Variants in BCAS3 observed in about 807,000 individuals in gnomAD.
BCAS3 encodes the protein BCAS4/BCAS3 fusion.
A neutral mutation model predicts 116.1 loss-of-function variants in BCAS3; 53 were observed. The ratio of observed to expected loss-of-function variants is 0.46; its 90% CI spans 0.37 to 0.57. The LOEUF is 0.57. Among genes scored for constraint, BCAS3 ranks in the 20% least tolerant of loss-of-function variants. The pLI is 0.00. For synonymous variants in BCAS3, 391 were observed against 408.2 expected, an observed-to-expected ratio of 0.96 and a Z score of 0.51; for missense variants, 917 against 1,165.4, an observed-to-expected ratio of 0.79 and a Z score of 3.10.
rs569496156 is a variant in BCAS3 at position 61,032,365 on chromosome 17, C to G, written c.1638-2301C>G. ...AAGCACATAGTCGCACAATTGCAAA[C>G]TGCTTTCAAAAAATTCTACAATACT... On this transcript the variant is annotated intron_variant, in intron 16 of 23. Coordinates refer to ENST00000407086, the MANE Select transcript of BCAS3 (RefSeq NM_017679.5). This position sits in a 1 kb window ranked among gnomAD's most constrained non-coding sequence, Gnocchi z 4.6. Among the ~76,000 whole-genome samples the G allele has an allele frequency of 1.3e-5, 2 of 152,128 alleles. No individual in the cohort carries two copies. Among genetic ancestry groups the G allele is most frequent in the African/African-American group, 4.8e-5 (2 of 41,444 alleles).
Position 61,073,839 on chromosome 17 carries a change from G to A in BCAS3, c.2030-1081G>A, listed in dbSNP as rs984562785. 2.6e-5 allele frequency among the ~76,000 whole-genome samples: 4 copies of A among 152,058 alleles called. No individual in the cohort carries two copies. The highest frequency in any genetic ancestry group is 6.6e-5 in the Admixed American group (1 of 15,256). ...GTATTAAAATGGTAGGCCAGGCGTG[G>A]TGGTTCATGCCTGTAATCCCAGCAC... On this transcript the variant is annotated intron_variant, in intron 19 of 23. Transcript: ENST00000407086. This position sits in a 1 kb window ranked among gnomAD's most constrained non-coding sequence, Gnocchi z 4.6.
intron 22 of BCAS3, among the ~76,000 whole-genome samples, chr17:61,290,941 C>T (rs1386946976): frequency 2.6e-5 from 4 of 152,160 alleles, no homozygotes; most frequent in African/African-American, 9.6e-5. Flanking sequence ...CCACCACGCC[C>T]GGCTAATTTT....
At chr17:61,314,562 C>T (rs1332141124) in intron 22 of BCAS3, among the ~76,000 whole-genome samples, 2 of 152,224 alleles carry the variant, frequency 1.3e-5, no homozygotes, top group Non-Finnish European at 2.9e-5. Context: ...TTCCCCTCCA[C>T]CGCTGCCTGG....
chr17:60,772,328 G>T (rs1432817040), intron 6 of BCAS3, among the ~76,000 whole-genome samples: 1 of 151,810 alleles, frequency 6.6e-6, no homozygotes, highest in East Asian at 1.9e-4. Context: ...ATTTTTTCAC[G>T]TGTCTGTTGG....
At chr17:60,931,763 G>T (rs1478595979) in intron 13 of BCAS3, among the ~76,000 whole-genome samples, 6 of 152,070 alleles carry the variant, frequency 3.9e-5, no homozygotes, top group Non-Finnish European at 7.4e-5. Flanking sequence ...TAAAATGGGG[G>T]CTAGTAATGA....
rs1005923269 is a variant in BCAS3, at chr17:61,063,956, T to C, written c.2030-10964T>C. Among the ~76,000 whole-genome samples, 1 of 152,228 alleles carries C rather than the reference T, an allele frequency of 6.6e-6. No individual in the cohort carries two copies. The highest frequency in any genetic ancestry group is 1.5e-5 in the Non-Finnish European group (1 of 68,042). Reference sequence around the variant, plus strand: ...CTGGGGCATTGTCTCCATAAACTTTTGGTAAAGCATCAATAATTTCACCAT... The same window carrying C: ...CTGGGGCATTGTCTCCATAAACTTTCGGTAAAGCATCAATAATTTCACCAT... On this transcript the variant is annotated intron_variant, in intron 19 of 23. Transcript: ENST00000407086. The surrounding 1 kb of genome is among the most constrained non-coding windows in gnomAD (Gnocchi z 5.3).
chr17:61,154,177 G>A (rs1052698780), intron 22 of BCAS3, among the ~76,000 whole-genome samples: 3 of 152,064 alleles, frequency 2.0e-5, no homozygotes, highest in African/African-American at 7.2e-5. Flanking sequence ...TTGAACCAAT[G>A]TGTCCTTTGA....
At chr17:60,889,869 A>G in intron 10 of BCAS3, 98 bp downstream of exon 10, 1 of 1,123,376 alleles carries the variant, frequency 8.9e-7, no homozygotes, top group South Asian at 1.4e-5. Flanking sequence ...TACCAATAAT[A>G]AATGTTTTAC....
chr17:60,856,227 A>T (rs1446687724), intron 7 of BCAS3, among the ~76,000 whole-genome samples: 2 of 152,162 alleles, frequency 1.3e-5, no homozygotes, highest in African/African-American at 4.8e-5. Flanking sequence ...TATAATGAAG[A>T]CTCAACCTCC....
intron 22 of BCAS3, among the ~76,000 whole-genome samples, chr17:61,298,230 AATTGTAGTTCCCAACAC>A (rs1568786876): frequency 6.6e-6 from 1 of 152,090 alleles, no homozygotes; most frequent in Non-Finnish European, 1.5e-5. Flanking sequence ...CACTTCAGTA[AATTGTAGTTCCCAACAC>A]ACTTTTATGC....
intron 1 of BCAS3, 90 bp from the exon 2 acceptor site, chr17:60,679,363 C>T: frequency 2.3e-6 from 2 of 872,816 alleles, no homozygotes; most frequent in East Asian, 2.6e-5. Flanking sequence ...GACAAGGGAT[C>T]TCTAGTGAGT....
chr17:61,150,380 A>G (rs2143997350), intron 22 of BCAS3, among the ~76,000 whole-genome samples: 1 of 152,230 alleles, frequency 6.6e-6, no homozygotes, highest in East Asian at 1.9e-4. Context: ...TCACTGTGCT[A>G]TTTCTCATCA....
At chr17:60,906,648 C>T (rs1375302813) in intron 11 of BCAS3, among the ~76,000 whole-genome samples, 1 of 152,188 alleles carries the variant, frequency 6.6e-6, no homozygotes, top group African/African-American at 2.4e-5. Flanking sequence ...GACTTTGTAA[C>T]TCAGTACCTT....
Position 60,991,930 on chromosome 17 carries a change from T to C in BCAS3, c.1486+1695T>C, listed in dbSNP as rs566765830. On this transcript the variant is annotated intron_variant, in intron 15 of 23. Coordinates refer to ENST00000407086, the MANE Select transcript of BCAS3 (RefSeq NM_017679.5). Reference sequence around the variant, plus strand: ...ATGTTTTTGAAGTTCATCCACATTGTAGTATATATTAACACTTCACTCCTT... The same window carrying C: ...ATGTTTTTGAAGTTCATCCACATTGCAGTATATATTAACACTTCACTCCTT... 2.3e-4 allele frequency among the ~76,000 whole-genome samples: 35 copies of C among 152,300 alleles called. No homozygotes were observed. The South Asian group carries it at 6.4e-3, about 28-fold the overall frequency.
rs376617640 is a variant in BCAS3 at position 61,109,725 on chromosome 17, AT to A, written c.2425+25164del. Among the ~76,000 whole-genome samples the A allele has an allele frequency of 4.0e-3, 608 of 152,210 alleles. 5 individuals are homozygous for A. Among genetic ancestry groups the A allele is most frequent in the African/African-American group, 0.014 (587 of 41,532 alleles). On this transcript the variant is annotated intron_variant, in intron 22 of 23. Transcript: ENST00000407086. ...GCATTTTTCCATATGCTTGTTGGCC[AT>A]TTGTATATCTTCTTTTGAGAATTGT...
intron 5 of BCAS3, among the ~76,000 whole-genome samples, chr17:60,714,002 T>A (rs1431890669): frequency 6.6e-6 from 1 of 151,950 alleles, no homozygotes; most frequent in African/African-American, 2.4e-5. Flanking sequence ...CCAGGCTAAT[T>A]TTTGTATTTT....
chr17:61,339,771 A>AAG lies in BCAS3; in HGVS notation c.2426-28555_2426-28554insGA, dbSNP rs2057006087. Among the ~76,000 whole-genome samples, 1 of 152,070 alleles carries AAG rather than the reference A, an allele frequency of 6.6e-6. No homozygotes were observed. The highest frequency in any genetic ancestry group is 6.6e-5 in the Admixed American group (1 of 15,262). ...ACAAAGCGAGACCCCATCTAAAAAA[A>AAG]AAAAAAAAAGACCAAGGAGATGAGT... On this transcript the variant is annotated intron_variant, in intron 22 of 23. Transcript: ENST00000407086. This position sits in a 1 kb window ranked among gnomAD's most constrained non-coding sequence, Gnocchi z 4.4.
intron 22 of BCAS3, among the ~76,000 whole-genome samples, chr17:61,195,645 G>A (rs574957346): frequency 6.6e-6 from 1 of 151,334 alleles, no homozygotes; most frequent in African/African-American, 2.4e-5. Context: ...CCAAAGTGCT[G>A]GGATTACAAA....
intron 16 of BCAS3, among the ~76,000 whole-genome samples, chr17:61,030,030 C>T (rs1444812641): frequency 6.6e-6 from 1 of 151,904 alleles, no homozygotes; most frequent in Non-Finnish European, 1.5e-5. Flanking sequence ...TTCCAGTTCT[C>T]CCATTTAGGT....
Sources: gnomAD v4.1 joint callset for allele counts (sites outside exome capture counted in the v4.1 genomes callset) on GRCh38, gnomAD v4.1.1 for gene constraint, Gnocchi (gnomAD v3.1) non-coding constraint, MANE v1.5 for transcripts, NCBI Gene and HGNC (gene_info 2026-07-23, HGNC 2026-07-21) for gene names.